OR4M1: variants seen among roughly 807,000 people sequenced by gnomAD.
OR4M1 encodes olfactory receptor family 4 subfamily M member 1.
In OR4M1, 7 loss-of-function variants were observed where a neutral mutation model predicts 9.8. That is an observed-to-expected ratio of 0.71 (90% confidence interval 0.41 to 1.34). The LOEUF is 1.34. Among genes scored for constraint, OR4M1 ranks in the 40% most tolerant of loss-of-function variants. The pLI is 0.01. For synonymous variants in OR4M1, 121 were observed against 139.8 expected, an observed-to-expected ratio of 0.87 and a Z score of 0.95; for missense variants, 331 against 380.4, an observed-to-expected ratio of 0.87 and a Z score of 1.08.
chr14:19,774,138 G>A (rs1878244129), intron 1 of OR4M1, among the ~76,000 whole-genome samples: 1 of 152,142 alleles, frequency 6.6e-6, no homozygotes, highest in Admixed American at 6.5e-5. Flanking sequence ...TAAAAGCTTT[G>A]AAAATAAATA....
Position 19,781,849 on chromosome 14 carries a change from A to G in OR4M1, c.*585A>G, listed in dbSNP as rs549367128. 2.0e-5 allele frequency: 3 copies of G among 153,574 alleles called. No homozygotes were observed. The South Asian group carries it at 6.1e-4, about 31-fold the overall frequency. 9.5% of individuals were successfully genotyped at this position (153,574 alleles called of 1,614,324 possible). A position where few individuals can be genotyped will look rare whatever the true frequency, so the allele number is the denominator to read the frequency against. Reference sequence around the variant, plus strand: ...TTTATATTTCAGGTGGTGTCCATTCAACAGTTGGAGACAGAACTCAAAATT... The same window carrying G: ...TTTATATTTCAGGTGGTGTCCATTCGACAGTTGGAGACAGAACTCAAAATT... On this transcript the variant is annotated 3_prime_UTR_variant, in exon 2 of 2. Transcript: ENST00000641200.
chr14:19,780,035 GA>G (rs1421276421), intron 1 of OR4M1, among the ~76,000 whole-genome samples: 2 of 152,318 alleles, frequency 1.3e-5, no homozygotes, highest in Non-Finnish European at 2.9e-5. Flanking sequence ...CCGAATTTCA[GA>G]AAAAGTAAGA....
chr14:19,776,027 G>A (rs772292045), intron 1 of OR4M1, among the ~76,000 whole-genome samples: 29 of 152,186 alleles, frequency 1.9e-4, no homozygotes, highest in African/African-American at 5.5e-4. Context: ...TCCTATACCC[G>A]TCTATATGGT....
intron 1 of OR4M1, among the ~76,000 whole-genome samples, chr14:19,773,806 T>G (rs1370293724): frequency 6.6e-6 from 1 of 152,236 alleles, no homozygotes; most frequent in Non-Finnish European, 1.5e-5. Context: ...CTTCTCGGCC[T>G]TGATCTCAAT....
In OR4M1 at chr14:19,780,970, G is replaced by A; in HGVS notation, c.648G>A (p.Met216Ile). 7 of 1,614,224 alleles carry A rather than the reference G, an allele frequency of 4.3e-6. 1 individual carries two copies. The highest frequency in any genetic ancestry group is 3.3e-4 in the Middle Eastern group (2 of 6,062). The part of the protein sequence containing the change: ...ISVVCFIALL[M>I]SYAFLLALLK... ...TGGTGTGTTTCATTGCTCTGTTAAT[G>A]TCCTATGCCTTCCTTCTGGCCTTGC... The change falls in exon 2 of 2, where the codon ATG (methionine) becomes ATA (isoleucine). Residue 216 changes from methionine (M) to isoleucine (I), a missense_variant. Met to Ile is a conservative substitution (Grantham distance 10). This residue lies in a region of OR4M1 where 122 missense variants were observed against 180.5 expected (regional missense o/e 0.68). Transcript: ENST00000641200.
rs1166711672 is a variant in OR4M1 at position 19,780,378 on chromosome 14, A to G, written c.56A>G (p.Gln19Arg). ...VTEFVLTGLS[Q>R]TREVQLVLFV... ...GAATTTGTTCTCACTGGCCTATCCC[A>G]GACTCGGGAGGTCCAACTAGTCCTA... Residue 19 changes from glutamine to arginine, a missense_variant, in exon 2 of 2, where the codon CAG (glutamine) becomes CGG (arginine). Coordinates refer to ENST00000641200, the MANE Select transcript of OR4M1 (RefSeq NM_001005500.2). 1 of 1,614,104 alleles carries G rather than the reference A, an allele frequency of 6.2e-7. No homozygotes were observed. Among genetic ancestry groups the G allele is most frequent in the Non-Finnish European group, 8.5e-7 (1 of 1,180,010 alleles).
In OR4M1 at chr14:19,780,558, C is replaced by T. The variant is rs759314401; in HGVS notation, c.236C>T (p.Pro79Leu). 1.9e-6 allele frequency: 3 copies of T among 1,614,236 alleles called. No individual in the cohort carries two copies. The South Asian group carries it at 3.3e-5, about 18-fold the overall frequency. Residue 79 changes from proline to leucine, a missense_variant, in exon 2 of 2, where the codon CCT (proline) becomes CTT (leucine). Transcript: ENST00000641200. ...ATTTGGTACTCTTCCATTACAGCCC[C>T]TAAAATGCTCATAGACTTCTTTGTG... is the stretch of plus-strand genomic sequence containing the variant. ...LDIWYSSITA[P>L]KMLIDFFVER...
chr14:19,779,279 T>C (rs116813143), intron 1 of OR4M1, among the ~76,000 whole-genome samples: 1,602 of 152,212 alleles, frequency 0.011, 18 homozygotes, highest in African/African-American at 0.037. Flanking sequence ...TTTTAAGCAA[T>C]AGGAGAGGCA....
intron 1 of OR4M1, among the ~76,000 whole-genome samples, chr14:19,777,086 A>T (rs1472165975): frequency 7.3e-6 from 1 of 136,932 alleles, no homozygotes; most frequent in South Asian, 2.2e-4. Context: ...GTCTTACTCC[A>T]GTTTATTCAC....
Position 19,781,050 on chromosome 14 carries a change from A to G in OR4M1, c.728A>G (p.Tyr243Cys), listed in dbSNP as rs146706497. 1,117 of 1,614,016 alleles carry G rather than the reference A, an allele frequency of 6.9e-4. No homozygotes were observed. Among genetic ancestry groups the G allele is most frequent in the Non-Finnish European group, 8.7e-4 (1,030 of 1,179,970 alleles). ...ACCAACAGGGCCATGTCCACCTGCTATTCCCACATTACCATTGTGGTGCTA... is the reference window on the plus strand; with the variant it reads ...ACCAACAGGGCCATGTCCACCTGCTGTTCCCACATTACCATTGTGGTGCTA... ...ENTNRAMSTC[Y>C]SHITIVVLMF... The change falls in exon 2 of 2, where the codon TAT (tyrosine) becomes TGT (cysteine). Residue 243 changes from tyrosine to cysteine, a missense_variant. Tyr to Cys is a radical substitution (Grantham distance 194). Coordinates refer to ENST00000641200, the MANE Select transcript of OR4M1 (RefSeq NM_001005500.2).
chr14:19,774,885 T>C (rs1376843323), intron 1 of OR4M1, among the ~76,000 whole-genome samples: 1 of 152,218 alleles, frequency 6.6e-6, no homozygotes, highest in Admixed American at 6.5e-5. Flanking sequence ...GTGGTTAGAA[T>C]GAAGGCACTG....
chr14:19,777,007 C>CATAT (rs71431978), intron 1 of OR4M1, among the ~76,000 whole-genome samples: 5,923 of 44,334 alleles, frequency 0.13, 207 homozygotes, highest in Non-Finnish European at 0.16. Flanking sequence ...TTGTTTAAGC[C>CATAT]ATATATATAT....
intron 1 of OR4M1, among the ~76,000 whole-genome samples, chr14:19,776,508 T>C (rs1878313618): frequency 6.6e-6 from 1 of 152,220 alleles, no homozygotes; most frequent in Non-Finnish European, 1.5e-5. Context: ...AAGCAGAAGC[T>C]TAGGAGAAGT....
Position 19,782,687 on chromosome 14 carries a change from C to T in OR4M1, c.*1423C>T, listed in dbSNP as rs1403247960. Reference sequence around the variant, plus strand: ...CTTTGGGAATTTTTCCTTATGGTGACCTTCTTCGATCTTCAATGCTACGTT... The same window carrying T: ...CTTTGGGAATTTTTCCTTATGGTGATCTTCTTCGATCTTCAATGCTACGTT... On this transcript the variant is annotated 3_prime_UTR_variant, in exon 2 of 2. Coordinates refer to ENST00000641200, the MANE Select transcript of OR4M1 (RefSeq NM_001005500.2). 1 of 152,306 alleles carries T rather than the reference C, an allele frequency of 6.6e-6. No individual in the cohort carries two copies. Among genetic ancestry groups the T allele is most frequent in the East Asian group, 1.9e-4 (1 of 5,190 alleles). 9.4% of individuals were successfully genotyped at this position (152,306 alleles called of 1,614,324 possible). A position where few individuals can be genotyped will look rare whatever the true frequency, so the allele number is the denominator to read the frequency against.
chr14:19,777,048 A>ATATAGTTTGTTTGTTTTTCCTG (rs1878336308), intron 1 of OR4M1, among the ~76,000 whole-genome samples: 1 of 118,278 alleles, frequency 8.5e-6, no homozygotes, highest in African/African-American at 3.3e-5. Context: ...ATATATATAT[A>ATATAGTTTGTTTGTTTTTCCTG]TTGTTTGTTT....
rs1387108488 is a variant in OR4M1 at position 19,773,528 on chromosome 14, G to A, written c.-95G>A. Reference sequence around the variant, plus strand: ...AGGATAAAGTCCTCCACTGTGGGTGGTGGAAGAGGCTTCTTCTACCTCCTC... The same window carrying A: ...AGGATAAAGTCCTCCACTGTGGGTGATGGAAGAGGCTTCTTCTACCTCCTC... On this transcript the variant is annotated 5_prime_UTR_variant, in exon 1 of 2. In the 5' UTR this introduces an upstream ATG that the reference lacks. Transcript: ENST00000641200. 6.6e-6 allele frequency: 1 copy of A among 152,356 alleles called. No individual in the cohort carries two copies. Among genetic ancestry groups the A allele is most frequent in the Non-Finnish European group, 1.5e-5 (1 of 68,114 alleles). The allele number at this position is 152,356 out of a possible 1,614,324, so 9.4% of individuals were successfully genotyped here.
At position 19,780,811 on chromosome 14, in the gene OR4M1, T is replaced by C. The variant is rs139962948; in HGVS notation, c.489T>C (p.Ile163=). ...ATTCTATAATACAGGTGGCTCTCAT[T>C]GTTCGACTTCCTTTCTGTGGGCCCA... The part of the protein sequence containing the change: ...FIHSIIQVAL[I]VRLPFCGPNE... Residue 163 remains isoleucine, a synonymous_variant, in exon 2 of 2, where the codon ATT becomes ATC. Transcript: ENST00000641200. 4.5e-5 allele frequency: 72 copies of C among 1,614,104 alleles called. No individual in the cohort carries two copies. Among genetic ancestry groups the C allele is most frequent in the Middle Eastern group, 1.6e-4 (1 of 6,084 alleles).
intron 1 of OR4M1, among the ~76,000 whole-genome samples, chr14:19,778,429 T>A (rs532978247): frequency 6.6e-6 from 1 of 152,360 alleles, no homozygotes; most frequent in South Asian, 2.1e-4. Context: ...GTAATGGTAT[T>A]TACCGCTTTA....
chr14:19,775,748 C>T (rs1332558604), intron 1 of OR4M1, among the ~76,000 whole-genome samples: 3 of 146,196 alleles, frequency 2.1e-5, no homozygotes, highest in Admixed American at 6.9e-5. Context: ...ATGTATATTA[C>T]TATATATTAA....
Sources: gnomAD v4.1 joint callset for allele counts (sites outside exome capture counted in the v4.1 genomes callset) on GRCh38, gnomAD v4.1.1 for gene constraint, gnomAD v4.1.1 regional missense constraint, MANE v1.5 for transcripts, NCBI Gene and HGNC (gene_info 2026-07-23, HGNC 2026-07-21) for gene names.